SDK1: variants seen among roughly 807,000 people sequenced by gnomAD.
SDK1 encodes protein sidekick-1.
SDK1 carries 157 observed loss-of-function variants against 245.5 expected under a neutral mutation model. The ratio of observed to expected loss-of-function variants is 0.64; its 90% CI spans 0.56 to 0.73. SDK1 has a LOEUF of 0.73. Ranked by LOEUF, SDK1 falls within the 30% of genes least tolerant of loss-of-function variation. The pLI, the probability that SDK1 is intolerant of heterozygous loss-of-function variation, is 0.00. For synonymous variants in SDK1, 1,647 were observed against 1,278.5 expected, an observed-to-expected ratio of 1.29 and a Z score of -6.15; for missense variants, 3,583 against 3,002.3, an observed-to-expected ratio of 1.19 and a Z score of -4.52.
chr7:3,393,871 T>C (rs1781824838), intron 1 of SDK1, among the ~76,000 whole-genome samples: 3 of 152,162 alleles, frequency 2.0e-5, no homozygotes, highest in Admixed American at 2.0e-4. Context: ...TGTGAGGTCG[T>C]GTTTTCCCGG....
chr7:3,560,584 C>T (rs1021538483), intron 1 of SDK1, among the ~76,000 whole-genome samples: 8 of 152,168 alleles, frequency 5.3e-5, no homozygotes, highest in African/African-American at 1.4e-4. Flanking sequence ...TTTTAGCTGG[C>T]CTGTGGGTTT....
At chr7:4,062,985 C>T (rs979159058) in intron 19 of SDK1, among the ~76,000 whole-genome samples, 1 of 152,098 alleles carries the variant, frequency 6.6e-6, no homozygotes, top group African/African-American at 2.4e-5. Context: ...TATGAAAAAC[C>T]CACAGCTAAC....
intron 2 of SDK1, among the ~76,000 whole-genome samples, chr7:3,620,978 T>G (rs995413790): frequency 6.6e-6 from 1 of 152,116 alleles, no homozygotes; most frequent in Non-Finnish European, 1.5e-5. Context: ...ACTGGCAGAA[T>G]TCAGCTCCAC....
At chr7:3,794,109 G>T (rs1778903082) in intron 4 of SDK1, among the ~76,000 whole-genome samples, 1 of 152,112 alleles carries the variant, frequency 6.6e-6, no homozygotes, top group African/African-American at 2.4e-5. Flanking sequence ...TACGTTTTAT[G>T]ATTTTACCTT....
intron 1 of SDK1, among the ~76,000 whole-genome samples, chr7:3,318,065 A>G (rs1267197033): frequency 1.3e-5 from 2 of 152,168 alleles, no homozygotes; most frequent in African/African-American, 2.4e-5. Flanking sequence ...TTTTATGCAT[A>G]TACAACTATA....
chr7:3,537,621 A>G (rs983551567), intron 1 of SDK1, among the ~76,000 whole-genome samples: 5 of 152,208 alleles, frequency 3.3e-5, no homozygotes, highest in African/African-American at 9.6e-5. Flanking sequence ...TTCAGTGACT[A>G]TTCATCAGGC....
intron 10 of SDK1, among the ~76,000 whole-genome samples, chr7:3,968,320 A>C (rs1420678133): frequency 6.6e-6 from 1 of 152,234 alleles, no homozygotes; most frequent in East Asian, 1.9e-4. Flanking sequence ...CAGCACACAG[A>C]GTCCATCCTG....
At chr7:3,487,692 C>T (rs1781742068) in intron 1 of SDK1, among the ~76,000 whole-genome samples, 1 of 140,192 alleles carries the variant, frequency 7.1e-6, no homozygotes, top group Non-Finnish European at 1.5e-5. Context: ...GAAATTGAGG[C>T]TGCAGTGAGC....
intron 22 of SDK1, among the ~76,000 whole-genome samples, chr7:4,098,739 C>T (rs1194487658): frequency 2.0e-5 from 3 of 151,564 alleles, no homozygotes; most frequent in Non-Finnish European, 2.9e-5. Flanking sequence ...TCTTGGCTCA[C>T]TGCAGCCTCA....
At chr7:4,023,739 A>G (rs1313746634) in intron 17 of SDK1, among the ~76,000 whole-genome samples, 1 of 152,218 alleles carries the variant, frequency 6.6e-6, no homozygotes, top group African/African-American at 2.4e-5. Context: ...TCAGTAGTTC[A>G]TATCGATGCT....
At chr7:3,690,679 C>G (rs1784416845) in intron 4 of SDK1, among the ~76,000 whole-genome samples, 1 of 152,128 alleles carries the variant, frequency 6.6e-6, no homozygotes, top group African/African-American at 2.4e-5. Flanking sequence ...AGCAGGTCTT[C>G]TTTTGTAAGA....
chr7:4,154,711 C>T (rs900016566), intron 30 of SDK1, among the ~76,000 whole-genome samples: 3 of 152,256 alleles, frequency 2.0e-5, no homozygotes, highest in South Asian at 2.1e-4. Context: ...TGTCCATAGC[C>T]GAATACAGCA....
At chr7:3,752,406 A>C (rs7798663) in intron 4 of SDK1, among the ~76,000 whole-genome samples, 2 of 152,094 alleles carry the variant, frequency 1.3e-5, no homozygotes, top group African/African-American at 4.8e-5. Flanking sequence ...TTTTAATGCC[A>C]TCTGACCTCA....
chr7:4,179,240 T>G (rs762409697), intron 35 of SDK1: 2 of 152,282 alleles, frequency 1.3e-5, no homozygotes, highest in Non-Finnish European at 2.9e-5. Flanking sequence ...CTGGTGACTT[T>G]AAAGAGTTCC....
At chr7:3,335,640 T>C (rs940033621) in intron 1 of SDK1, among the ~76,000 whole-genome samples, 1 of 152,074 alleles carries the variant, frequency 6.6e-6, no homozygotes, top group Non-Finnish European at 1.5e-5. Flanking sequence ...TAAGAAATAG[T>C]AGTAAAATAT....
intron 2 of SDK1, among the ~76,000 whole-genome samples, chr7:3,629,693 A>T (rs1782232041): frequency 6.6e-6 from 1 of 152,270 alleles, no homozygotes; most frequent in Non-Finnish European, 1.5e-5. Context: ...ACAGTATCAG[A>T]GAACAAAGTT....
At chr7:4,129,509 A>G (rs1288701378) in intron 26 of SDK1, among the ~76,000 whole-genome samples, 1 of 152,148 alleles carries the variant, frequency 6.6e-6, no homozygotes, top group Non-Finnish European at 1.5e-5. Context: ...CTTCTGGGGC[A>G]GGAAACCAGC....
At chr7:3,371,649 G>A (rs773264977) in intron 1 of SDK1, among the ~76,000 whole-genome samples, 4 of 152,152 alleles carry the variant, frequency 2.6e-5, no homozygotes, top group Non-Finnish European at 5.9e-5. Context: ...TAGAAGAGGA[G>A]TATGGATGGC....
At chr7:3,934,947 C>T (rs1172951373) in intron 5 of SDK1, among the ~76,000 whole-genome samples, 2 of 152,204 alleles carry the variant, frequency 1.3e-5, no homozygotes, top group African/African-American at 4.8e-5. Flanking sequence ...CTGTGCAAAG[C>T]CCCTTCGGTG....
Sources: allele counts gnomAD v4.1 joint callset (sites outside exome capture counted in the v4.1 genomes callset), GRCh38; gene constraint gnomAD v4.1.1; transcripts MANE v1.5; gene names NCBI Gene and HGNC (gene_info 2026-07-23, HGNC 2026-07-21).